Variants in TC2N observed in about 807,000 individuals in gnomAD.
TC2N encodes tandem C2 domains, nuclear.
TC2N carries 51 observed loss-of-function variants against 61.9 expected under a neutral mutation model. The observed-to-expected ratio is 0.82, with a 90% confidence interval of 0.66 to 1.04. The LOEUF (loss-of-function observed/expected upper bound fraction) is 1.04, where lower values mean the gene tolerates loss of function less well. TC2N is among the 50% of genes least tolerant of loss of function. The probability of loss-of-function intolerance (pLI) is 0.00; values close to 1 mark genes in which losing one functional copy is unlikely to be tolerated. For missense variants in TC2N, 556 were observed against 566.7 expected (o/e 0.98, Z 0.19); for synonymous variants, 204 against 192.6 (o/e 1.06, Z -0.49).
intron 3 of TC2N, among the ~76,000 whole-genome samples, chr14:91,803,747 C>G (rs563837519): frequency 6.6e-6 from 1 of 152,168 alleles, no homozygotes; most frequent in Admixed American, 6.5e-5. Flanking sequence ...TGAACCACCA[C>G]GACCAGCCTA....
intron 8 of TC2N, among the ~76,000 whole-genome samples, chr14:91,794,685 T>C (rs1441213969): frequency 2.6e-5 from 4 of 152,142 alleles, no homozygotes; most frequent in African/African-American, 9.7e-5. Flanking sequence ...TTCAAAACAT[T>C]ATTTCTCATT....
chr14:91,846,650 A>C (rs1888276531), intron 1 of TC2N, among the ~76,000 whole-genome samples: 1 of 152,224 alleles, frequency 6.6e-6, no homozygotes, highest in African/African-American at 2.4e-5. Context: ...CATTCAGAGA[A>C]TTCTACTTGA....
intron 11 of TC2N, 133 bp from the exon 12 acceptor site, chr14:91,783,343 T>A (rs1016089410): frequency 3.1e-5 from 17 of 548,266 alleles, no homozygotes; most frequent in African/African-American, 2.7e-4. Flanking sequence ...CATCTTTCTT[T>A]TTTCCAAAAG....
intron 3 of TC2N, among the ~76,000 whole-genome samples, chr14:91,805,880 T>C (rs926439467): frequency 6.6e-6 from 1 of 152,172 alleles, no homozygotes; most frequent in Non-Finnish European, 1.5e-5. Context: ...GCTCCATTCA[T>C]GATAAATGCC....
intron 1 of TC2N, among the ~76,000 whole-genome samples, chr14:91,839,008 C>A (rs370866725): frequency 1.3e-5 from 2 of 151,942 alleles, no homozygotes; most frequent in African/African-American, 4.8e-5. Flanking sequence ...TATTTGAGGC[C>A]GATCTAAGGA....
At chr14:91,785,806 G>C (rs1885338617) in intron 10 of TC2N, among the ~76,000 whole-genome samples, 1 of 151,870 alleles carries the variant, frequency 6.6e-6, no homozygotes, top group Admixed American at 6.6e-5. Flanking sequence ...GAGATGTATA[G>C]AGCTTCCAGT....
chr14:91,842,914 C>T (rs575533688), intron 1 of TC2N, among the ~76,000 whole-genome samples: 15 of 152,278 alleles, frequency 9.9e-5, no homozygotes, highest in Middle Eastern at 6.8e-3. Context: ...TTTGCTACGA[C>T]TTTGAAGTTC....
chr14:91,866,735 G>A (rs1415909429), intron 1 of TC2N: 1 of 152,252 alleles, frequency 6.6e-6, no homozygotes, highest in East Asian at 1.9e-4. Flanking sequence ...TCAGGGTCCA[G>A]GAAACAGCCT....
At chr14:91,801,226 T>C (rs1323136100) in intron 4 of TC2N, among the ~76,000 whole-genome samples, 1 of 151,942 alleles carries the variant, frequency 6.6e-6, no homozygotes, top group Non-Finnish European at 1.5e-5. Flanking sequence ...CATCACACCA[T>C]GAGTTTCTAA....
At chr14:91,863,399 C>T (rs910620245) in intron 1 of TC2N, among the ~76,000 whole-genome samples, 9 of 152,146 alleles carry the variant, frequency 5.9e-5, no homozygotes, top group African/African-American at 2.2e-4. Flanking sequence ...GACCTGACCT[C>T]CCCAATGGCT....
At chr14:91,793,504 T>C (rs1048508639) in intron 8 of TC2N, among the ~76,000 whole-genome samples, 2 of 152,216 alleles carry the variant, frequency 1.3e-5, no homozygotes, top group African/African-American at 4.8e-5. Context: ...CAGTGTCGTT[T>C]TTCCACCAGC....
chr14:91,811,386 T>C (rs970880009), intron 3 of TC2N, among the ~76,000 whole-genome samples: 1 of 152,102 alleles, frequency 6.6e-6, no homozygotes, highest in Non-Finnish European at 1.5e-5. Flanking sequence ...CCTGTATGTT[T>C]GAAATTTTTC....
intron 9 of TC2N, among the ~76,000 whole-genome samples, chr14:91,788,888 A>C (rs1595220836): frequency 6.6e-6 from 1 of 152,172 alleles, no homozygotes; most frequent in East Asian, 1.9e-4. Context: ...TAAATAAGTT[A>C]ATTTATTGCT....
At chr14:91,828,688 G>C (rs746128229) in intron 1 of TC2N, among the ~76,000 whole-genome samples, 1 of 151,926 alleles carries the variant, frequency 6.6e-6, no homozygotes, top group Non-Finnish European at 1.5e-5. Flanking sequence ...TTACCCAATA[G>C]AGTTTATCAT....
intron 1 of TC2N, chr14:91,836,655 C>CGCG (rs1888037055): frequency 1.5e-5 from 1 of 65,488 alleles, no homozygotes. Flanking sequence ...AGTGGAGTGG[C>CGCG]GCAGAAGGGC....
chr14:91,841,788 C>T (rs967160197), intron 1 of TC2N, among the ~76,000 whole-genome samples: 1 of 152,170 alleles, frequency 6.6e-6, no homozygotes, highest in Admixed American at 6.5e-5. Flanking sequence ...TTTCTCTAAC[C>T]CTTCAATTCC....
At chr14:91,792,609 G>A (rs1229822352) in intron 8 of TC2N, 51 bp from the exon 9 acceptor site, 3 of 833,446 alleles carry the variant, frequency 3.6e-6, no homozygotes, top group African/African-American at 3.5e-5. Context: ...AGGCTTATAT[G>A]CCAATACAAA....
chr14:91,798,404 A>C lies in TC2N; in HGVS notation c.638-5T>G. ...CTCCTGATAGAGTAATTGTATCTGA[A>C]TTATAAAAGGACAAAGATGTTTCAA... On this transcript the variant is annotated splice_region_variant and splice_polypyrimidine_tract_variant and intron_variant, in intron 6 of 11. Coordinates refer to ENST00000435962, the MANE Select transcript of TC2N (RefSeq NM_001128596.3). 3 of 1,470,340 alleles carry C rather than the reference A, an allele frequency of 2.0e-6. No homozygotes were observed. Among genetic ancestry groups the C allele is most frequent in the Non-Finnish European group, 2.8e-6 (3 of 1,065,238 alleles). 91.1% of individuals were successfully genotyped at this position (1,470,340 alleles called of 1,614,324 possible). A position where few individuals can be genotyped will look rare whatever the true frequency, so the allele number is the denominator to read the frequency against.
intron 9 of TC2N, among the ~76,000 whole-genome samples, chr14:91,791,913 G>C (rs182478419): frequency 6.6e-6 from 1 of 152,014 alleles, no homozygotes; most frequent in Non-Finnish European, 1.5e-5. Context: ...TCAGGAGATC[G>C]AGACCATCCT....
Sources: gnomAD v4.1 joint callset for allele counts (sites outside exome capture counted in the v4.1 genomes callset) on GRCh38, gnomAD v4.1.1 for gene constraint, MANE v1.5 for transcripts, NCBI Gene and HGNC (gene_info 2026-07-23, HGNC 2026-07-21) for gene names.